The following SLC12A7 variants were observed in gnomAD, a reference collection of about 807,000 sequenced individuals.
SLC12A7 encodes the protein K-Cl cotransporter 4.
In SLC12A7, 100 loss-of-function variants were observed where a neutral mutation model predicts 120.6. That is an observed-to-expected ratio of 0.83 (90% CI 0.71 to 0.98). The LOEUF (loss-of-function observed/expected upper bound fraction) is 0.98. Ranked by LOEUF, SLC12A7 falls within the 50% of genes least tolerant of loss-of-function variation. The pLI is 0.00. For synonymous variants in SLC12A7, 760 were observed against 678.0 expected (o/e 1.12, Z -1.88); for missense variants, 1,373 against 1,548.1 (o/e 0.89, Z 1.90).
At chr5:1,092,683 G>A (rs1388899268) in intron 3 of SLC12A7, among the ~76,000 whole-genome samples, 1 of 152,140 alleles carries the variant, frequency 6.6e-6, no homozygotes, top group African/African-American at 2.4e-5. Flanking sequence ...GCCGTCGCCC[G>A]GCTTCAGAGC....
intron 17 of SLC12A7, 68 bp downstream of exon 17, chr5:1,073,565 G>A (rs1737951065): frequency 1.3e-6 from 2 of 1,506,836 alleles, no homozygotes; most frequent in Middle Eastern, 4.0e-4. Flanking sequence ...ATGAGGACAT[G>A]CCAGGGCACG....
chr5:1,085,595 C>G, intron 6 of SLC12A7, 122 bp from the exon 7 acceptor site: 1 of 1,377,704 alleles, frequency 7.3e-7, no homozygotes, highest in Non-Finnish European at 9.7e-7. Context: ...GCCATCGGGA[C>G]GCATCCGTGC....
chr5:1,103,210 C>T (rs1455998202), intron 1 of SLC12A7, among the ~76,000 whole-genome samples: 6 of 152,160 alleles, frequency 3.9e-5, no homozygotes, highest in African/African-American at 2.4e-5. Flanking sequence ...GCTAAAGCAG[C>T]GCTGCCTTCT....
At chr5:1,076,961 C>T (rs951994765) in intron 12 of SLC12A7, 149 bp from the exon 13 acceptor site, 2 of 643,776 alleles carry the variant, frequency 3.1e-6, no homozygotes. Context: ...CATCACGCGG[C>T]TGGCCTGGGA....
chr5:1,143,810 A>C, the SLC12A7 span, among the ~76,000 whole-genome samples: 1 of 151,788 alleles, frequency 6.6e-6, no homozygotes, highest in African/African-American at 2.4e-5. Flanking sequence ...GGGCCAGCAG[A>C]CACTCTCGGG....
At chr5:1,077,689 T>C in intron 12 of SLC12A7, 144 bp downstream of exon 12, 2 of 844,712 alleles carry the variant, frequency 2.4e-6, no homozygotes, top group South Asian at 1.9e-5. Context: ...CCATGCTCTG[T>C]GCAGTGGCCA....
At chr5:1,122,684 G>A in the SLC12A7 span, among the ~76,000 whole-genome samples, 1 of 152,174 alleles carries the variant, frequency 6.6e-6, no homozygotes. Context: ...TCCCAGGAGA[G>A]GATCAGACAG....
chr5:1,083,606 A>T, intron 8 of SLC12A7, 139 bp downstream of exon 8: 1 of 844,404 alleles, frequency 1.2e-6, no homozygotes, highest in Non-Finnish European at 1.9e-6. Flanking sequence ...CAGGCTCATC[A>T]GCAGCAGCTG....
chr5:1,069,037 T>TC (rs34274339), intron 17 of SLC12A7, among the ~76,000 whole-genome samples: 1 of 151,918 alleles, frequency 6.6e-6, no homozygotes, highest in Non-Finnish European at 1.5e-5. Context: ...ACCGTGAACA[T>TC]CCCCCCGAAA....
intron 14 of SLC12A7, chr5:1,075,842 C>T: frequency 2.0e-6 from 1 of 508,940 alleles, no homozygotes; most frequent in South Asian, 3.5e-5. Flanking sequence ...ACGCCCCAAG[C>T]CTGGGAAGGC....
chr5:1,148,394 A>T, the SLC12A7 span, among the ~76,000 whole-genome samples: 1 of 151,626 alleles, frequency 6.6e-6, no homozygotes, highest in Non-Finnish European at 1.5e-5. Flanking sequence ...TTTAGTAGAG[A>T]CGGGGTTTCA....
intron 3 of SLC12A7, among the ~76,000 whole-genome samples, chr5:1,090,686 C>A (rs1001391664): frequency 1.3e-5 from 2 of 152,224 alleles, no homozygotes; most frequent in Non-Finnish European, 2.9e-5. Flanking sequence ...GCGGTCCACA[C>A]AGGGGCCCCT....
chr5:1,137,852 G>A, the SLC12A7 span, among the ~76,000 whole-genome samples: 2 of 152,198 alleles, frequency 1.3e-5, no homozygotes, highest in East Asian at 3.9e-4. Context: ...GCTCCCCGGG[G>A]CCTGGCGCAC....
chr5:1,078,847 A>G, intron 10 of SLC12A7, 89 bp from the exon 11 acceptor site: 1 of 667,224 alleles, frequency 1.5e-6, no homozygotes, highest in Non-Finnish European at 2.7e-6. Context: ...GTGGGTGGGG[A>G]GATGCACTGG....
chr5:1,118,668 G>C, the SLC12A7 span, among the ~76,000 whole-genome samples: 1 of 152,248 alleles, frequency 6.6e-6, no homozygotes, highest in Non-Finnish European at 1.5e-5. Flanking sequence ...GAAGGAGAAA[G>C]CCTGGACCTG....
intron 22 of SLC12A7, chr5:1,056,611 A>G (rs1735638806): frequency 3.0e-6 from 3 of 984,956 alleles, no homozygotes. Context: ...GCAGGAGAAA[A>G]AAACAAGAGT....
chr5:1,130,627 A>ACAC, the SLC12A7 span, among the ~76,000 whole-genome samples: 24 of 109,726 alleles, frequency 2.2e-4, no homozygotes, highest in Admixed American at 2.8e-4. Flanking sequence ...GGGTGGGGGC[A>ACAC]GCAGGGAGGG....
chr5:1,061,991 C>A lies in SLC12A7; in HGVS notation c.2740-1540G>T, dbSNP rs76263794. On this transcript the variant is annotated intron_variant, in intron 20 of 23. Transcript: ENST00000264930. ...GACTGAATGGCAGCGACCCAGACGC[C>A]CCTCTCCAGCCAGGTGGCACTTGTC... Among the ~76,000 whole-genome samples the A allele has an allele frequency of 9.7e-3, 1,477 of 152,278 alleles. 21 individuals are homozygous for A. Among genetic ancestry groups the A allele is most frequent in the African/African-American group, 0.034 (1,409 of 41,554 alleles).
the SLC12A7 span, among the ~76,000 whole-genome samples, chr5:1,151,726 G>A: frequency 6.1e-4 from 91 of 150,250 alleles, no homozygotes; most frequent in African/African-American, 2.1e-3. This position sits in a 1 kb window ranked among gnomAD's most constrained non-coding sequence, Gnocchi z 6.2. Context: ...GGGGTGGGTG[G>A]TGAGGGGCGC....
Sources: gnomAD v4.1 joint callset for allele counts (sites outside exome capture counted in the v4.1 genomes callset) on GRCh38, gnomAD v4.1.1 for gene constraint, Gnocchi (gnomAD v3.1) non-coding constraint, MANE v1.5 for transcripts, NCBI Gene and HGNC (gene_info 2026-07-23, HGNC 2026-07-21) for gene names.